Variants in DOCK3 observed in about 807,000 individuals in gnomAD.
The protein encoded by DOCK3 is dedicator of cytokinesis 3, also known as dedicator of cytokinesis protein 3.
In DOCK3, 60 loss-of-function variants were observed where a neutral mutation model predicts 265.6. That is an observed-to-expected ratio of 0.23 (90% confidence interval 0.18 to 0.28). The LOEUF is 0.28. DOCK3 is among the 10% of genes least tolerant of loss of function. DOCK3 has a pLI of 1.00. For synonymous variants in DOCK3, 881 were observed against 938.0 expected (o/e 0.94, Z 1.11); for missense variants, 1,981 against 2,594.3 (o/e 0.76, Z 5.14).
chr3:50,916,846 CAAAAAAA>C lies in DOCK3; in HGVS notation c.219-17122_219-17116del, dbSNP rs397877086. ...TGGGCAACAGAGCGAGACTCCGTTT[CAAAAAAA>C]AAAAAAAAAAAAGTAGTTGTCTTAT... is the stretch of plus-strand genomic sequence containing the variant. On this transcript the variant is annotated intron_variant, in intron 4 of 52. Coordinates refer to ENST00000266037, the MANE Select transcript of DOCK3 (RefSeq NM_004947.5). Among the ~76,000 whole-genome samples the C allele has an allele frequency of 7.8e-5, 6 of 77,104 alleles. No individual in the cohort carries two copies. In the South Asian group the frequency reaches 1.4e-3, roughly 18 times the overall value. 50.6% of individuals were successfully genotyped at this position (77,104 alleles called of 152,430 possible).
At chr3:51,261,078 G>A (rs1472997530) in intron 23 of DOCK3, among the ~76,000 whole-genome samples, 1 of 152,030 alleles carries the variant, frequency 6.6e-6, no homozygotes, top group East Asian at 1.9e-4. Flanking sequence ...GAGTAACTAG[G>A]AATCTTTGGC....
chr3:50,924,760 T>C (rs2050674197), intron 4 of DOCK3, among the ~76,000 whole-genome samples: 1 of 152,248 alleles, frequency 6.6e-6, no homozygotes, highest in South Asian at 2.1e-4. Context: ...GGAAAGTTCA[T>C]GGAGTTGAGC....
chr3:50,703,591 G>T (rs528564387), intron 1 of DOCK3, among the ~76,000 whole-genome samples: 1 of 151,684 alleles, frequency 6.6e-6, no homozygotes, highest in South Asian at 2.1e-4. Context: ...AGATATTTTC[G>T]TTAGGGTTTC....
intron 5 of DOCK3, among the ~76,000 whole-genome samples, chr3:51,059,213 G>A (rs2081312966): frequency 6.6e-6 from 1 of 151,958 alleles, no homozygotes; most frequent in Non-Finnish European, 1.5e-5. Flanking sequence ...AATTTTCTTA[G>A]GATAATGGCC....
At chr3:50,814,494 A>C (rs1339083844) in intron 2 of DOCK3, among the ~76,000 whole-genome samples, 1 of 151,784 alleles carries the variant, frequency 6.6e-6, no homozygotes, top group African/African-American at 2.4e-5. Context: ...CGGAGCTCCT[A>C]GTGTCAAGTG....
intron 4 of DOCK3, among the ~76,000 whole-genome samples, chr3:50,929,279 T>G (rs992351376): frequency 3.3e-5 from 5 of 152,176 alleles, no homozygotes; most frequent in African/African-American, 9.6e-5. Flanking sequence ...TAACCTCCAG[T>G]GTGGAACCAG....
chr3:51,273,036 C>T (rs2080596725), intron 24 of DOCK3, among the ~76,000 whole-genome samples: 1 of 151,840 alleles, frequency 6.6e-6, no homozygotes, highest in Admixed American at 6.6e-5. Flanking sequence ...GTGGTGGGCG[C>T]CTGTAGTCCC....
intron 12 of DOCK3, among the ~76,000 whole-genome samples, chr3:51,196,214 G>C (rs1350074190): frequency 6.6e-6 from 1 of 152,010 alleles, no homozygotes; most frequent in Non-Finnish European, 1.5e-5. Flanking sequence ...GTGATTACAG[G>C]CATGAGCCAC....
chr3:50,859,644 A>T (rs2046807944), intron 3 of DOCK3, among the ~76,000 whole-genome samples: 2 of 151,750 alleles, frequency 1.3e-5, no homozygotes, highest in African/African-American at 4.8e-5. Flanking sequence ...ACTTTTCTGG[A>T]TGTTTTCACC....
intron 5 of DOCK3, among the ~76,000 whole-genome samples, chr3:51,026,791 C>T (rs2079843374): frequency 6.6e-6 from 1 of 152,048 alleles, no homozygotes; most frequent in Non-Finnish European, 1.5e-5. Context: ...GCAGTTATCT[C>T]TGGGAATCTT....
intron 5 of DOCK3, among the ~76,000 whole-genome samples, chr3:50,986,241 T>C (rs942675785): frequency 1.3e-5 from 2 of 152,230 alleles, no homozygotes; most frequent in South Asian, 2.1e-4. Context: ...GGTAGATGAA[T>C]AAACCAAAAA....
intron 49 of DOCK3, among the ~76,000 whole-genome samples, chr3:51,370,726 A>T (rs1469332003): frequency 2.0e-5 from 3 of 152,260 alleles, no homozygotes; most frequent in African/African-American, 4.8e-5. Flanking sequence ...GTTGCTGCAT[A>T]ATAAGCCACC....
intron 1 of DOCK3, among the ~76,000 whole-genome samples, chr3:50,742,302 A>G (rs376869447): frequency 7.9e-5 from 12 of 152,310 alleles, no homozygotes; most frequent in African/African-American, 2.6e-4. Flanking sequence ...TCCTCCTCCA[A>G]AGGAACGCAG....
chr3:50,957,911 A>G (rs2108361929), intron 5 of DOCK3, among the ~76,000 whole-genome samples: 1 of 152,308 alleles, frequency 6.6e-6, no homozygotes, highest in South Asian at 2.1e-4. Context: ...CAATTTCCCT[A>G]GTTTATTCTA....
intron 50 of DOCK3, among the ~76,000 whole-genome samples, chr3:51,375,039 G>A (rs2087990036): frequency 6.6e-6 from 1 of 152,212 alleles, no homozygotes; most frequent in South Asian, 2.1e-4. Context: ...CTCACTACCT[G>A]CTGGGGCTGT....
intron 9 of DOCK3, among the ~76,000 whole-genome samples, chr3:51,110,294 G>A (rs1275075934): frequency 6.6e-6 from 1 of 152,038 alleles, no homozygotes; most frequent in East Asian, 1.9e-4. Flanking sequence ...CAAAAAATGA[G>A]AAGAGACTCC....
intron 3 of DOCK3, among the ~76,000 whole-genome samples, chr3:50,860,669 A>G (rs2046866631): frequency 1.3e-5 from 2 of 152,166 alleles, no homozygotes; most frequent in Non-Finnish European, 2.9e-5. Context: ...GTCCCTGCTC[A>G]CTTCAGAGAC....
At chr3:51,065,442 C>G (rs2081558318) in intron 6 of DOCK3, among the ~76,000 whole-genome samples, 1 of 152,126 alleles carries the variant, frequency 6.6e-6, no homozygotes, top group Non-Finnish European at 1.5e-5. Context: ...CAGAGTAAAT[C>G]CATTATATGT....
Position 51,381,485 on chromosome 3 carries a change from G to T in DOCK3, c.6019G>T (p.Ala2007Ser), listed in dbSNP as rs781878563. ...GAGGCCTCGAGGCCTGCACCGCAAGGCTCCATTGCCTCCTGGGAGCGCTAA... is the reference window on the plus strand; with the variant it reads ...GAGGCCTCGAGGCCTGCACCGCAAGTCTCCATTGCCTCCTGGGAGCGCTAA... ...TERPRGLHRK[A>S]PLPPGSAKEE... The change falls in exon 53 of 53, where the codon GCT (alanine) becomes TCT (serine). Residue 2007 changes from alanine (A) to serine (S), a missense_variant. Physicochemically the swap from Ala to Ser is moderately conservative, Grantham distance 99. This residue lies in a region of DOCK3 where 149 missense variants were observed against 144.7 expected (regional missense o/e 1.03). Transcript: ENST00000266037. This position sits in a 1 kb window ranked among gnomAD's most constrained non-coding sequence, Gnocchi z 5.6. The T allele has an allele frequency of 6.3e-7, 1 of 1,588,326 alleles. No individual in the cohort carries two copies. Among genetic ancestry groups the T allele is most frequent in the Admixed American group, 1.8e-5 (1 of 55,688 alleles).
Sources: gnomAD v4.1 joint callset for allele counts (sites outside exome capture counted in the v4.1 genomes callset) on GRCh38, gnomAD v4.1.1 for gene constraint, gnomAD v4.1.1 regional missense constraint, Gnocchi (gnomAD v3.1) non-coding constraint, MANE v1.5 for transcripts, NCBI Gene and HGNC (gene_info 2026-07-23, HGNC 2026-07-21) for gene names.